The following ZEB1 variants were observed in gnomAD, a reference collection of about 807,000 sequenced individuals.
The protein encoded by ZEB1 is zinc finger E-box-binding homeobox 1.
ZEB1 carries 21 observed loss-of-function variants against 84.9 expected under a neutral mutation model. That is an observed-to-expected ratio of 0.25 (90% CI 0.18 to 0.36). The LOEUF (loss-of-function observed/expected upper bound fraction) is 0.36, where lower values mean the gene tolerates loss of function less well. Among genes scored for constraint, ZEB1 ranks in the 10% least tolerant of loss-of-function variants. ZEB1 has a pLI of 1.00. For synonymous variants in ZEB1, 420 were observed against 471.1 expected (o/e 0.89, Z 1.41); for missense variants, 1,104 against 1,330.2 (o/e 0.83, Z 2.65).
intron 2 of ZEB1, among the ~76,000 whole-genome samples, chr10:31,475,948 G>C (rs537375976): frequency 1.3e-5 from 2 of 152,074 alleles, no homozygotes; most frequent in East Asian, 3.9e-4. Context: ...TATTAACCTT[G>C]AACATAAAAG....
rs138423896 is a variant in ZEB1 at position 31,405,740 on chromosome 10, A to G, written c.59-55297A>G. On this transcript the variant is annotated intron_variant, in intron 1 of 8. Transcript: ENST00000424869. Reference sequence around the variant, plus strand: ...TTTTTTAAAATTTAAGTTCTGGGATACATCTGCAGTTTGTTACATAGGTAT... The same window carrying G: ...TTTTTTAAAATTTAAGTTCTGGGATGCATCTGCAGTTTGTTACATAGGTAT... Among the ~76,000 whole-genome samples the G allele has an allele frequency of 1.3e-4, 20 of 151,850 alleles. No homozygotes were observed. In the East Asian group the frequency reaches 2.3e-3, roughly 18 times the overall value.
At chr10:31,408,161 A>G (rs1347947056) in intron 1 of ZEB1, among the ~76,000 whole-genome samples, 1 of 151,416 alleles carries the variant, frequency 6.6e-6, no homozygotes, top group East Asian at 1.9e-4. Context: ...CAAAGAGAAT[A>G]AAATACCTAG....
intron 3 of ZEB1, among the ~76,000 whole-genome samples, chr10:31,499,776 T>G (rs766289479): frequency 6.6e-6 from 1 of 151,526 alleles, no homozygotes; most frequent in African/African-American, 2.4e-5. Flanking sequence ...AAAAAAAAAA[T>G]AGAAATTATC....
At chr10:31,514,300 T>G (rs2070669552) in intron 5 of ZEB1, among the ~76,000 whole-genome samples, 1 of 152,170 alleles carries the variant, frequency 6.6e-6, no homozygotes, top group African/African-American at 2.4e-5. Flanking sequence ...TTACTAATTT[T>G]GAATATTGTT....
intron 2 of ZEB1, among the ~76,000 whole-genome samples, chr10:31,490,943 G>A (rs1441936982): frequency 6.6e-6 from 1 of 151,754 alleles, no homozygotes; most frequent in Non-Finnish European, 1.5e-5. Flanking sequence ...ACTTTTCAAA[G>A]CCTTTGAAAT....
chr10:31,389,312 T>C (rs1027571761), intron 1 of ZEB1, among the ~76,000 whole-genome samples: 1 of 152,184 alleles, frequency 6.6e-6, no homozygotes, highest in African/African-American at 2.4e-5. Context: ...TTGAAACTAA[T>C]ATCTGGGAGA....
At chr10:31,326,616 G>T (rs1564467770) in intron 1 of ZEB1, among the ~76,000 whole-genome samples, 1 of 152,142 alleles carries the variant, frequency 6.6e-6, no homozygotes, top group Non-Finnish European at 1.5e-5. Flanking sequence ...TAGTTAGCTT[G>T]GACTAGGTCA....
intron 4 of ZEB1, among the ~76,000 whole-genome samples, chr10:31,508,322 C>A (rs1321361814): frequency 6.6e-6 from 1 of 152,064 alleles, no homozygotes; most frequent in African/African-American, 2.4e-5. Context: ...GGCAGGTGGG[C>A]AGGTTCTCAG....
intron 1 of ZEB1, among the ~76,000 whole-genome samples, chr10:31,342,648 A>G (rs536595551): frequency 1.3e-5 from 2 of 152,260 alleles, no homozygotes; most frequent in East Asian, 3.9e-4. Context: ...ATAATTGGAG[A>G]TCTATAGATA....
chr10:31,490,758 T>C (rs161283), intron 2 of ZEB1, among the ~76,000 whole-genome samples: 11,827 of 151,846 alleles, frequency 0.078, 653 homozygotes, highest in African/African-American at 0.16. Context: ...GAGATTATAT[T>C]CTGGATATTT....
At chr10:31,510,975 G>T in intron 5 of ZEB1, 100 bp downstream of exon 5, 1 of 1,087,140 alleles carries the variant, frequency 9.2e-7, no homozygotes, top group Non-Finnish European at 1.4e-6. Context: ...TTAAAAGAAT[G>T]TACTAAACAG....
intron 1 of ZEB1, among the ~76,000 whole-genome samples, chr10:31,396,230 G>A (rs1186565736): frequency 1.3e-5 from 2 of 152,152 alleles, no homozygotes; most frequent in African/African-American, 4.8e-5. Flanking sequence ...TATGAAATAT[G>A]TCATGTATAA....
intron 2 of ZEB1, among the ~76,000 whole-genome samples, chr10:31,466,959 C>T (rs2062511132): frequency 6.6e-6 from 1 of 152,088 alleles, no homozygotes; most frequent in East Asian, 1.9e-4. Context: ...TGCACCTCTT[C>T]TACAGAGAGG....
chr10:31,442,522 C>T (rs975322512), intron 1 of ZEB1, among the ~76,000 whole-genome samples: 1 of 151,608 alleles, frequency 6.6e-6, no homozygotes, highest in East Asian at 1.9e-4. Context: ...CAAAGTTGCA[C>T]GTTGTGCACA....
At chr10:31,426,512 T>C (rs1185678379) in intron 1 of ZEB1, among the ~76,000 whole-genome samples, 1 of 152,218 alleles carries the variant, frequency 6.6e-6, no homozygotes. Flanking sequence ...ATTCTGATTA[T>C]AGAGTCAGTC....
At chr10:31,393,037 C>G (rs2135286005) in intron 1 of ZEB1, among the ~76,000 whole-genome samples, 1 of 152,196 alleles carries the variant, frequency 6.6e-6, no homozygotes, top group South Asian at 2.1e-4. Context: ...GGGGTCTCAT[C>G]ATGTTGCCCA....
intron 1 of ZEB1, among the ~76,000 whole-genome samples, chr10:31,328,363 T>C (rs2036041486): frequency 6.6e-6 from 1 of 152,190 alleles, no homozygotes; most frequent in Non-Finnish European, 1.5e-5. Flanking sequence ...CATGACAGTC[T>C]AAGAATTGGG....
At chr10:31,515,001 T>C (rs1484862613) in intron 6 of ZEB1, among the ~76,000 whole-genome samples, 1 of 152,014 alleles carries the variant, frequency 6.6e-6, no homozygotes, top group Non-Finnish European at 1.5e-5. Flanking sequence ...TGAATGTAAA[T>C]GTCATTGCCT....
At chr10:31,451,425 T>G (rs375324341) in intron 1 of ZEB1, among the ~76,000 whole-genome samples, 1 of 152,172 alleles carries the variant, frequency 6.6e-6, no homozygotes, top group East Asian at 1.9e-4. Flanking sequence ...GGCTTCTCTA[T>G]TTTTTGACTA....
Sources: gnomAD v4.1 joint callset for allele counts (sites outside exome capture counted in the v4.1 genomes callset) on GRCh38, gnomAD v4.1.1 for gene constraint, MANE v1.5 for transcripts, NCBI Gene and HGNC (gene_info 2026-07-23, HGNC 2026-07-21) for gene names.